Variants in LGR4 observed in about 807,000 individuals in gnomAD.
The protein encoded by LGR4 is leucine rich repeat containing G protein-coupled receptor 4.
Under a neutral mutation model 84.8 loss-of-function variants are expected in LGR4, and 44 were observed. That is an observed-to-expected ratio of 0.52 (90% CI 0.41 to 0.67). The LOEUF (loss-of-function observed/expected upper bound fraction) is 0.67, where lower values mean the gene tolerates loss of function less well. Ranked by LOEUF, LGR4 falls within the 30% of genes least tolerant of loss-of-function variation. LGR4 has a pLI of 0.00. For synonymous variants in LGR4, 429 were observed against 434.3 expected (o/e 0.99, Z 0.15); for missense variants, 1,032 against 1,131.4 (o/e 0.91, Z 1.26).
In LGR4 at chr11:27,457,666, T is replaced by C. The variant is rs534084213; in HGVS notation, c.185+14452A>G. Among the ~76,000 whole-genome samples, 270 of 152,334 alleles carry C rather than the reference T, an allele frequency of 1.8e-3. 1 individual carries two copies. Among genetic ancestry groups the C allele is most frequent in the Non-Finnish European group, 1.8e-3 (125 of 68,028 alleles). ...GACCCAGGATCTCACTCTAGGTATT[T>C]ATGCAAGTGAAATAAATACCTATGT... On this transcript the variant is annotated intron_variant, in intron 1 of 17. Transcript: ENST00000379214.
At chr11:27,453,636 T>C (rs1864523070) in intron 1 of LGR4, among the ~76,000 whole-genome samples, 1 of 152,158 alleles carries the variant, frequency 6.6e-6, no homozygotes, top group Admixed American at 6.5e-5. Context: ...TGGCATCAGA[T>C]ACTGTTCAAT....
chr11:27,377,426 A>G (rs1211881727), intron 11 of LGR4, among the ~76,000 whole-genome samples: 3 of 152,030 alleles, frequency 2.0e-5, no homozygotes, highest in Non-Finnish European at 1.5e-5. Context: ...GATAAAGTTC[A>G]AGAATATATT....
At chr11:27,460,568 A>G (rs1254775759) in intron 1 of LGR4, among the ~76,000 whole-genome samples, 1 of 152,218 alleles carries the variant, frequency 6.6e-6, no homozygotes, top group Non-Finnish European at 1.5e-5. Context: ...GATATTAGAA[A>G]TTGATTTATC....
At chr11:27,431,090 C>T (rs542846226) in intron 1 of LGR4, among the ~76,000 whole-genome samples, 7 of 152,134 alleles carry the variant, frequency 4.6e-5, no homozygotes, top group African/African-American at 9.6e-5. Context: ...TCTATATTAC[C>T]AACCAGTTTA....
chr11:27,412,155 A>C (rs1367469367), intron 2 of LGR4, among the ~76,000 whole-genome samples: 1 of 152,146 alleles, frequency 6.6e-6, no homozygotes, highest in Non-Finnish European at 1.5e-5. Context: ...AAAAGTGTGG[A>C]GAGCACAACA....
rs772737034 is a variant in LGR4 at position 27,368,753 on chromosome 11, T to G, written c.1970A>C (p.Asn657Thr). Residue 657 changes from asparagine to threonine, a missense_variant, in exon 18 of 18, where the codon AAT becomes ACT. Asn to Thr is a moderately conservative substitution (Grantham distance 65). Coordinates refer to ENST00000379214, the MANE Select transcript of LGR4 (RefSeq NM_018490.5). ...AKDIMKNGKS[N>T]HLKQFRVAAL... ...AGCAACCCGGAACTGTTTGAGATGA[T>G]TGCTCTTCCCATTTTTCATTATATC... The G allele has an allele frequency of 1.2e-6, 2 of 1,613,968 alleles. No individual in the cohort carries two copies. Among genetic ancestry groups the G allele is most frequent in the African/African-American group, 2.7e-5 (2 of 75,022 alleles).
chr11:27,385,546 T>C, intron 4 of LGR4, 78 bp from the exon 5 acceptor site: 1 of 865,162 alleles, frequency 1.2e-6, no homozygotes, highest in Admixed American at 3.1e-5. Context: ...AACTCAAAGC[T>C]TTCAAAACAA....
At chr11:27,429,448 ACCCTAG>A (rs1261964961) in intron 1 of LGR4, among the ~76,000 whole-genome samples, 1 of 151,394 alleles carries the variant, frequency 6.6e-6, no homozygotes, top group East Asian at 2.0e-4. Context: ...GCGCTACTGC[ACCCTAG>A]CTTGGGTGAC....
rs1239487231 is a variant in LGR4, at chr11:27,472,339, C to G, written c.-37G>C. 7.6e-6 allele frequency: 9 copies of G among 1,190,066 alleles called. No homozygotes were observed. The highest frequency in any genetic ancestry group is 9.4e-6 in the Non-Finnish European group (9 of 959,860). 73.7% of individuals were successfully genotyped at this position (1,190,066 alleles called of 1,614,324 possible). On this transcript the variant is annotated 5_prime_UTR_variant, in exon 1 of 18. Transcript: ENST00000379214. ...CCTCCCGCGCCGGCCTCTCCCGCGGCGCTGCTCGCTCCGCTGCCCTCCGAT... is the reference window on the plus strand; with the variant it reads ...CCTCCCGCGCCGGCCTCTCCCGCGGGGCTGCTCGCTCCGCTGCCCTCCGAT...
At chr11:27,407,233 C>T (rs1219750930) in intron 2 of LGR4, among the ~76,000 whole-genome samples, 1 of 152,140 alleles carries the variant, frequency 6.6e-6, no homozygotes, top group African/African-American at 2.4e-5. Context: ...ACAGGAAATA[C>T]TGGGCAGCTG....
chr11:27,390,052 G>C (rs1390290597), intron 4 of LGR4, among the ~76,000 whole-genome samples: 1 of 152,076 alleles, frequency 6.6e-6, no homozygotes, highest in African/African-American at 2.4e-5. Flanking sequence ...TAACTTTACA[G>C]CATATATTTT....
chr11:27,426,952 G>A (rs1327360215), intron 1 of LGR4, among the ~76,000 whole-genome samples: 2 of 152,114 alleles, frequency 1.3e-5, no homozygotes, highest in Admixed American at 1.3e-4. Context: ...TGAGGTTAAT[G>A]GGTCACAGTG....
chr11:27,432,638 CGA>C (rs1209637278), intron 1 of LGR4, among the ~76,000 whole-genome samples: 2 of 152,134 alleles, frequency 1.3e-5, no homozygotes, highest in Non-Finnish European at 2.9e-5. Flanking sequence ...CTAGGACATC[CGA>C]GAGTGTCTAA....
chr11:27,446,512 G>A (rs537442215), intron 1 of LGR4, among the ~76,000 whole-genome samples: 22 of 152,146 alleles, frequency 1.4e-4, no homozygotes, highest in Middle Eastern at 6.8e-3. Flanking sequence ...TTAGAATGGC[G>A]ATCATTAAAA....
chr11:27,424,018 C>T (rs1863972499), intron 1 of LGR4, among the ~76,000 whole-genome samples: 1 of 152,182 alleles, frequency 6.6e-6, no homozygotes, highest in Non-Finnish European at 1.5e-5. Context: ...CTGAGAGTTA[C>T]TGCTTTATGA....
intron 1 of LGR4, 49 bp from the exon 2 acceptor site, chr11:27,412,909 T>A: frequency 8.1e-7 from 1 of 1,236,050 alleles, no homozygotes; most frequent in Non-Finnish European, 1.2e-6. Context: ...GTATGAAGCT[T>A]AAAGTATTTA....
At chr11:27,379,191 C>T in intron 10 of LGR4, 1 of 187,850 alleles carries the variant, frequency 5.3e-6, no homozygotes. Context: ...TCTTATTCCC[C>T]TCCCTTCTGT....
chr11:27,385,517 G>C, intron 4 of LGR4, 49 bp from the exon 5 acceptor site: 1 of 1,254,492 alleles, frequency 8.0e-7, no homozygotes, highest in Non-Finnish European at 1.1e-6. Context: ...CTAGTGAAAT[G>C]AGTCAGTTCA....
At chr11:27,403,246 G>C (rs1565080892) in intron 2 of LGR4, among the ~76,000 whole-genome samples, 1 of 152,220 alleles carries the variant, frequency 6.6e-6, no homozygotes, top group Non-Finnish European at 1.5e-5. Context: ...CAAGGCAGGA[G>C]GATTGCTTGA....
Sources: gnomAD v4.1 joint callset for allele counts (sites outside exome capture counted in the v4.1 genomes callset) on GRCh38, gnomAD v4.1.1 for gene constraint, MANE v1.5 for transcripts, NCBI Gene and HGNC (gene_info 2026-07-23, HGNC 2026-07-21) for gene names.